KMT2C: variants seen among roughly 807,000 people sequenced by gnomAD.
The protein encoded by KMT2C is lysine methyltransferase 2C.
Under a neutral mutation model 507.9 loss-of-function variants are expected in KMT2C, and 88 were observed. The ratio of observed to expected loss-of-function variants is 0.17; its 90% CI spans 0.15 to 0.21. The LOEUF is 0.21. Among genes scored for constraint, KMT2C ranks in the 10% least tolerant of loss-of-function variants. The pLI, the probability that KMT2C is intolerant of heterozygous loss-of-function variation, is 1.00. For missense variants in KMT2C, 4,954 were observed against 5,957.8 expected, an observed-to-expected ratio of 0.83 and a Z score of 5.55; for synonymous variants, 2,049 against 2,080.8, an observed-to-expected ratio of 0.98 and a Z score of 0.42.
chr7:152,298,891 C>G lies in KMT2C; in HGVS notation c.849+11075G>C, dbSNP rs576006094. Among the ~76,000 whole-genome samples the G allele has an allele frequency of 3.3e-5, 5 of 152,246 alleles. No individual in the cohort carries two copies. In the South Asian group the frequency reaches 1.0e-3, roughly 32 times the overall value. On this transcript the variant is annotated intron_variant, in intron 6 of 58. Coordinates refer to ENST00000262189, the MANE Select transcript of KMT2C (RefSeq NM_170606.3). ...GGAAAAGAAAGCAAATGAAGGAATG[C>G]TTTTATTATAGATGAAGTGTACAAT...
chr7:152,151,482 C>T lies in KMT2C; in HGVS notation c.12626G>A (p.Gly4209Asp). 6.2e-7 allele frequency: 1 copy of T among 1,614,166 alleles called. No individual in the cohort carries two copies. Among genetic ancestry groups the T allele is most frequent in the Non-Finnish European group, 8.5e-7 (1 of 1,180,008 alleles). Reference sequence around the variant, plus strand: ...CAGATCTTTGAAAGATTTCCGCACACCACTTCCAAGAATAACCACTTTACA... The same window carrying T: ...CAGATCTTTGAAAGATTTCCGCACATCACTTCCAAGAATAACCACTTTACA... ...CHCKVVILGS[G>D]VRKSFKDLTL... The change falls in exon 50 of 59, where the codon GGT (glycine) becomes GAT (aspartate). Residue 4209 changes from glycine to aspartate, a missense_variant. This residue lies in a region of KMT2C where 417 missense variants were observed against 461.1 expected (regional missense o/e 0.90). Transcript: ENST00000262189.
chr7:152,204,640 C>T (rs866658873), intron 25 of KMT2C, among the ~76,000 whole-genome samples: 19 of 138,614 alleles, frequency 1.4e-4, no homozygotes, highest in Admixed American at 4.9e-4. Flanking sequence ...GATAGATAGA[C>T]AGACAGATAC....
intron 2 of KMT2C, among the ~76,000 whole-genome samples, chr7:152,357,893 C>A (rs902991585): frequency 5.9e-5 from 9 of 152,136 alleles, no homozygotes; most frequent in African/African-American, 2.2e-4. Flanking sequence ...ATTCTGTAAG[C>A]ATCAAGATGA....
At position 152,181,392 on chromosome 7, in the gene KMT2C, T is replaced by C; in HGVS notation, c.6468A>G (p.Thr2156=). 6.2e-7 allele frequency: 1 copy of C among 1,614,040 alleles called. No individual in the cohort carries two copies. Among genetic ancestry groups the C allele is most frequent in the East Asian group, 2.2e-5 (1 of 44,858 alleles). The change falls in exon 36 of 59, where the codon ACA becomes ACG. Residue 2156 remains threonine (T), a synonymous_variant. Coordinates refer to ENST00000262189, the MANE Select transcript of KMT2C (RefSeq NM_170606.3). The part of the protein sequence containing the change: ...SQSSGTARSN[T]DPYSQPPGTP... ...TTCCAGGAGGTTGAGAGTAAGGGTC[T>C]GTATTGGACCTAGCTGTTCCTGAAG...
chr7:152,146,464 C>A, intron 53 of KMT2C, 135 bp downstream of exon 53: 1 of 807,130 alleles, frequency 1.2e-6, no homozygotes, highest in Non-Finnish European at 2.0e-6. Context: ...ATGCCTTATT[C>A]CTCTAAGAGA....
intron 18 of KMT2C, among the ~76,000 whole-genome samples, chr7:152,227,919 T>G (rs986411366): frequency 1.3e-5 from 2 of 152,136 alleles, no homozygotes; most frequent in Admixed American, 6.5e-5. Flanking sequence ...CAGAATTCAG[T>G]AGTGATCCCA....
Position 152,146,569 on chromosome 7 carries a change from C to T in KMT2C, c.14031+30G>A, listed in dbSNP as rs148806287. The T allele has an allele frequency of 2.6e-4, 415 of 1,611,348 alleles. 2 individuals carry two copies. The African/African-American group carries it at 5.1e-3, about 20-fold the overall frequency. On this transcript the variant is annotated intron_variant, in intron 53 of 58. Transcript: ENST00000262189. Reference sequence around the variant, plus strand: ...GTCACACTGAATCAGGAAAGCAATTCCAATCTCAAAGCCTGACCAAGACAC... The same window carrying T: ...GTCACACTGAATCAGGAAAGCAATTTCAATCTCAAAGCCTGACCAAGACAC...
At position 152,148,953 on chromosome 7, in the gene KMT2C, A is replaced by T; in HGVS notation, c.12974T>A (p.Leu4325Gln). The T allele has an allele frequency of 6.2e-7, 1 of 1,607,538 alleles. No homozygotes were observed. The highest frequency in any genetic ancestry group is 8.5e-7 in the Non-Finnish European group (1 of 1,176,680). Residue 4325 changes from leucine (L) to glutamine (Q), a missense_variant, in exon 52 of 59, where the codon CTG (leucine) becomes CAG (glutamine). Transcript: ENST00000262189. This position sits in a 1 kb window ranked among gnomAD's most constrained non-coding sequence, Gnocchi z 7.1. ...AGGCTTCAGCTTGACTGTCACCTTC[A>T]GCTCATCTGGCTTGGCCTCGACTTG... ...AAQVEAKPDE[L>Q]KVTVKLKPRL...
chr7:152,208,822 T>C (rs1453278961), intron 23 of KMT2C, among the ~76,000 whole-genome samples: 2 of 152,206 alleles, frequency 1.3e-5, no homozygotes, highest in Non-Finnish European at 2.9e-5. Context: ...TTGAGGCCAA[T>C]TCCATAACAA....
chr7:152,272,992 A>T (rs1020962054), intron 7 of KMT2C, among the ~76,000 whole-genome samples: 1 of 152,166 alleles, frequency 6.6e-6, no homozygotes, highest in Non-Finnish European at 1.5e-5. Flanking sequence ...AATTCAATAG[A>T]CTAGGAGAAA....
At chr7:152,184,821 A>G (rs1369828741) in intron 34 of KMT2C, among the ~76,000 whole-genome samples, 9 of 152,190 alleles carry the variant, frequency 5.9e-5, no homozygotes. Flanking sequence ...TCTGTCACCT[A>G]GGCTGGAATG....
At chr7:152,394,361 TATG>T (rs2097524046) in intron 1 of KMT2C, among the ~76,000 whole-genome samples, 1 of 152,312 alleles carries the variant, frequency 6.6e-6, no homozygotes, top group South Asian at 2.1e-4. Context: ...CTACTTCTCT[TATG>T]ATGTTTTCTC....
chr7:152,170,544 C>T (rs2092917047), intron 40 of KMT2C, among the ~76,000 whole-genome samples: 2 of 152,126 alleles, frequency 1.3e-5, no homozygotes, highest in Non-Finnish European at 2.9e-5. Context: ...GCTCTGTCAC[C>T]CAAGCTGGAG....
At chr7:152,254,069 T>C (rs1391558812) in intron 9 of KMT2C, among the ~76,000 whole-genome samples, 2 of 152,156 alleles carry the variant, frequency 1.3e-5, no homozygotes, top group African/African-American at 2.4e-5. Flanking sequence ...CCAGGAACCA[T>C]AGATCAGCTA....
At chr7:152,165,961 T>C (rs1001580427) in intron 42 of KMT2C, among the ~76,000 whole-genome samples, 1 of 152,218 alleles carries the variant, frequency 6.6e-6, no homozygotes, top group Non-Finnish European at 1.5e-5. Context: ...GTGCTGGGAT[T>C]ACAGGCGTGA....
chr7:152,242,677 T>C (rs866121379), intron 14 of KMT2C, among the ~76,000 whole-genome samples: 6 of 152,178 alleles, frequency 3.9e-5, no homozygotes, highest in African/African-American at 1.4e-4. Context: ...GACTGTGGGA[T>C]GGGGAAATGA....
chr7:152,311,615 C>T (rs140655113), intron 5 of KMT2C, among the ~76,000 whole-genome samples, 183 bp downstream of exon 5: 25 of 152,186 alleles, frequency 1.6e-4, no homozygotes, highest in African/African-American at 5.8e-4. Flanking sequence ...TGGTACTGTA[C>T]AGATTTTAAA....
chr7:152,243,338 G>A (rs1172569412), intron 14 of KMT2C, among the ~76,000 whole-genome samples: 1 of 152,186 alleles, frequency 6.6e-6, no homozygotes, highest in African/African-American at 2.4e-5. Context: ...TTCCAAAGGG[G>A]TAGGTATTTT....
intron 39 of KMT2C, among the ~76,000 whole-genome samples, chr7:152,172,110 T>C (rs546910292): frequency 2.6e-5 from 4 of 152,330 alleles, no homozygotes; most frequent in South Asian, 2.1e-4. Context: ...TATTAGGATA[T>C]AGAATATGTT....
Sources: allele counts gnomAD v4.1 joint callset (sites outside exome capture counted in the v4.1 genomes callset), GRCh38; gene constraint gnomAD v4.1.1; regional missense constraint gnomAD v4.1.1; non-coding constraint Gnocchi (gnomAD v3.1); transcripts MANE v1.5; gene names NCBI Gene and HGNC (gene_info 2026-07-23, HGNC 2026-07-21).